Variants in C17orf78 observed in about 807,000 individuals in gnomAD.
The protein encoded by C17orf78 is uncharacterized protein C17orf78.
In C17orf78, 27 loss-of-function variants were observed where a neutral mutation model predicts 31.8. The ratio of observed to expected loss-of-function variants is 0.85; its 90% CI spans 0.63 to 1.17. C17orf78 has a LOEUF of 1.17. Ranked by LOEUF, C17orf78 falls within the 50% of genes most tolerant of loss-of-function variation. C17orf78 has a pLI of 0.00. For synonymous variants in C17orf78, 106 were observed against 115.1 expected (o/e 0.92, Z 0.51); for missense variants, 258 against 315.2 (o/e 0.82, Z 1.37).
rs1166708234 is a variant in C17orf78, at chr17:37,392,701, C to T, written c.*977C>T. The T allele has an allele frequency of 1.3e-5, 2 of 152,056 alleles. No homozygotes were observed. The highest frequency in any genetic ancestry group is 2.9e-5 in the Non-Finnish European group (2 of 68,002). The allele number at this position is 152,056 out of a possible 1,614,324, so 9.4% of individuals were successfully genotyped here. A position where few individuals can be genotyped will look rare whatever the true frequency, so the allele number is the denominator to read the frequency against. ...ACATAAACTGTATCCTTCTTTCTTTCACTTCAAGTGCTGTCCAAAAAGTGA... is the reference window on the plus strand; with the variant it reads ...ACATAAACTGTATCCTTCTTTCTTTTACTTCAAGTGCTGTCCAAAAAGTGA... On this transcript the variant is annotated 3_prime_UTR_variant, in exon 7 of 7. Transcript: ENST00000615133.
chr17:37,376,212 G>C, intron 1 of C17orf78, 62 bp downstream of exon 1: 3 of 1,409,946 alleles, frequency 2.1e-6, no homozygotes, highest in South Asian at 2.3e-5. Context: ...AAGAGTTTCG[G>C]GGTCTCTTCC....
intron 6 of C17orf78, 118 bp downstream of exon 6, chr17:37,389,480 T>C: frequency 7.2e-7 from 1 of 1,391,122 alleles, no homozygotes; most frequent in Non-Finnish European, 9.5e-7. Context: ...GTGGATCACC[T>C]GAGGTGATCG....
intron 6 of C17orf78, among the ~76,000 whole-genome samples, chr17:37,390,806 A>T (rs1166219151): frequency 6.6e-6 from 1 of 152,026 alleles, no homozygotes; most frequent in African/African-American, 2.4e-5. Context: ...AAAAAAAAAA[A>T]AATTATCATT....
rs769203964 is a variant in C17orf78 at position 37,376,101 on chromosome 17, C to G, written c.9C>G (p.Thr3=). The G allele has an allele frequency of 6.2e-7, 1 of 1,612,580 alleles. No homozygotes were observed. The highest frequency in any genetic ancestry group is 1.1e-5 in the South Asian group (1 of 91,042). ...CATGTGCTCAAGCTAACATGGATAC[C>G]ATCTTGGTCTTCAGCCTAATCATTG... MD[T]ILVFSLIIAS... Residue 3 remains threonine, a synonymous_variant, in exon 1 of 7, where the codon ACC becomes ACG. Coordinates refer to ENST00000615133, the MANE Select transcript of C17orf78 (RefSeq NM_173625.5).
chr17:37,385,601 C>A (rs1261374258), intron 3 of C17orf78, among the ~76,000 whole-genome samples: 1 of 152,188 alleles, frequency 6.6e-6, no homozygotes, highest in African/African-American at 2.4e-5. Context: ...CTACTAGACA[C>A]ACTTGCAGCA....
chr17:37,391,867 G>A lies in C17orf78; in HGVS notation c.*143G>A. 1 of 784,962 alleles carries A rather than the reference G, an allele frequency of 1.3e-6. No homozygotes were observed. Among genetic ancestry groups the A allele is most frequent in the Non-Finnish European group, 2.1e-6 (1 of 470,934 alleles). The allele number at this position is 784,962 out of a possible 1,614,324, so 48.6% of individuals were successfully genotyped here. On this transcript the variant is annotated 3_prime_UTR_variant, in exon 7 of 7. Coordinates refer to ENST00000615133, the MANE Select transcript of C17orf78 (RefSeq NM_173625.5). ...CCAATTCCTGGTTAATGAAGGGAGA[G>A]TGTGGGCTTAGCAGAGTTACCCTCA...
In C17orf78 at chr17:37,391,759, T is replaced by A; in HGVS notation, c.*35T>A. 6.5e-7 allele frequency: 1 copy of A among 1,542,786 alleles called. No homozygotes were observed. On this transcript the variant is annotated 3_prime_UTR_variant, in exon 7 of 7. Transcript: ENST00000615133. The stretch of plus-strand genomic sequence containing the variant: ...CTCTATCTCAAAGACTGAATGATAC[T>A]ACACAGTCCTCTCCCTATTAATATG...
chr17:37,376,056 A>T lies in C17orf78; in HGVS notation c.-37A>T. ...CTATCAAGGGCTGTGACAGATGAGC[A>T]GTGGTCTGTCTGCAATGAGCATGTG... is the stretch of plus-strand genomic sequence containing the variant. On this transcript the variant is annotated 5_prime_UTR_variant, in exon 1 of 7. Coordinates refer to ENST00000615133, the MANE Select transcript of C17orf78 (RefSeq NM_173625.5). 1 of 1,568,652 alleles carries T rather than the reference A, an allele frequency of 6.4e-7. No individual in the cohort carries two copies. The highest frequency in any genetic ancestry group is 8.8e-7 in the Non-Finnish European group (1 of 1,138,892).
chr17:37,391,985 T>C lies in C17orf78; in HGVS notation c.*261T>C, dbSNP rs140030061. ...TCCCCTCAAACGAGAACAAAAAGTATTCCCTGCAAGCACTATGAATGGACC... is the reference window on the plus strand; with the variant it reads ...TCCCCTCAAACGAGAACAAAAAGTACTCCCTGCAAGCACTATGAATGGACC... On this transcript the variant is annotated 3_prime_UTR_variant, in exon 7 of 7. Coordinates refer to ENST00000615133, the MANE Select transcript of C17orf78 (RefSeq NM_173625.5). 4.7e-5 allele frequency: 23 copies of C among 484,288 alleles called. No individual in the cohort carries two copies. In the East Asian group the frequency reaches 7.0e-4, roughly 15 times the overall value. 30.0% of individuals were successfully genotyped at this position (484,288 alleles called of 1,614,324 possible). A position where few individuals can be genotyped will look rare whatever the true frequency, so the allele number is the denominator to read the frequency against.
intron 4 of C17orf78, chr17:37,388,011 A>T (rs978294025): frequency 2.0e-5 from 3 of 152,240 alleles, no homozygotes; most frequent in South Asian, 2.1e-4. Flanking sequence ...AAAAAATTTT[A>T]AAAATTAGCC....
chr17:37,376,274 T>C, intron 1 of C17orf78, 124 bp downstream of exon 1: 1 of 747,498 alleles, frequency 1.3e-6, no homozygotes, highest in Non-Finnish European at 2.2e-6. Context: ...CCAGAGTTAA[T>C]CCCATGTATC....
At chr17:37,378,080 G>T in intron 2 of C17orf78, 115 bp downstream of exon 2, 1 of 958,766 alleles carries the variant, frequency 1.0e-6, no homozygotes, top group South Asian at 1.6e-5. Context: ...CTATTTTAAG[G>T]ATATGTATCC....
intron 2 of C17orf78, 70 bp from the exon 3 acceptor site, chr17:37,379,067 G>A (rs575248574): frequency 2.9e-5 from 44 of 1,501,326 alleles, no homozygotes; most frequent in East Asian, 1.9e-4. Flanking sequence ...GCAAGGCACC[G>A]TCTCAAAAAA....
chr17:37,379,061 G>A (rs2050129306), intron 2 of C17orf78, 76 bp from the exon 3 acceptor site: 1 of 1,478,868 alleles, frequency 6.8e-7, no homozygotes, highest in Non-Finnish European at 9.0e-7. Flanking sequence ...GACAGAGCAA[G>A]GCACCGTCTC....
At chr17:37,382,795 G>C (rs564637527) in intron 3 of C17orf78, among the ~76,000 whole-genome samples, 4 of 152,328 alleles carry the variant, frequency 2.6e-5, no homozygotes, top group African/African-American at 9.6e-5. Flanking sequence ...AGGATGCAGA[G>C]GTTGTAGGGA....
At chr17:37,377,202 G>T (rs1416224374) in intron 1 of C17orf78, among the ~76,000 whole-genome samples, 3 of 152,068 alleles carry the variant, frequency 2.0e-5, no homozygotes, top group Non-Finnish European at 4.4e-5. Context: ...GGAGGGAGAA[G>T]AGAAAATAAG....
At chr17:37,379,439 G>A (rs1293762224) in intron 3 of C17orf78, 57 bp downstream of exon 3, 4 of 1,556,582 alleles carry the variant, frequency 2.6e-6, no homozygotes, top group Non-Finnish European at 2.6e-6. Flanking sequence ...CATCCTTGAA[G>A]GCAGCCAGAA....
Position 37,391,899 on chromosome 17 carries a change from T to C in C17orf78, c.*175T>C, listed in dbSNP as rs2050900266. 1.6e-6 allele frequency: 1 copy of C among 619,180 alleles called. No homozygotes were observed. Among genetic ancestry groups the C allele is most frequent in the Admixed American group, 2.8e-5 (1 of 35,122 alleles). The allele number at this position is 619,180 out of a possible 1,614,324, so 38.4% of individuals were successfully genotyped here. A position where few individuals can be genotyped will look rare whatever the true frequency, so the allele number is the denominator to read the frequency against. On this transcript the variant is annotated 3_prime_UTR_variant, in exon 7 of 7. Coordinates refer to ENST00000615133, the MANE Select transcript of C17orf78 (RefSeq NM_173625.5). ...CTTAGCAGAGTTACCCTCATGCCCC[T>C]ATCTGAGCCACAACCTTCTGTAATT...
intron 3 of C17orf78, among the ~76,000 whole-genome samples, chr17:37,384,222 A>G (rs536115763): frequency 3.3e-5 from 5 of 152,338 alleles, no homozygotes; most frequent in African/African-American, 1.2e-4. Flanking sequence ...AGTAAAATAG[A>G]AATTTGGAAC....
Sources: allele counts gnomAD v4.1 joint callset (sites outside exome capture counted in the v4.1 genomes callset), GRCh38; gene constraint gnomAD v4.1.1; transcripts MANE v1.5; gene names NCBI Gene and HGNC (gene_info 2026-07-23, HGNC 2026-07-21).